GATAD2A: variants seen among roughly 807,000 people sequenced by gnomAD.
GATAD2A encodes transcriptional repressor p66-alpha.
Under a neutral mutation model 68.5 loss-of-function variants are expected in GATAD2A, and 12 were observed. The ratio of observed to expected loss-of-function variants is 0.18; its 90% CI spans 0.11 to 0.28. GATAD2A has a LOEUF of 0.28. Among genes scored for constraint, GATAD2A ranks in the 10% least tolerant of loss-of-function variants. The probability of loss-of-function intolerance (pLI) is 1.00; values close to 1 mark genes in which losing one functional copy is unlikely to be tolerated. For synonymous variants in GATAD2A, 410 were observed against 375.3 expected (o/e 1.09, Z -1.07); for missense variants, 755 against 868.5 (o/e 0.87, Z 1.64).
intron 2 of GATAD2A, among the ~76,000 whole-genome samples, chr19:19,484,505 G>GA (rs1351747965): frequency 6.7e-6 from 1 of 149,580 alleles, no homozygotes; most frequent in Non-Finnish European, 1.5e-5. Flanking sequence ...TCTGTCACAG[G>GA]ATTTTTCTTT....
chr19:19,490,316 G>C (rs540309155), intron 2 of GATAD2A, among the ~76,000 whole-genome samples: 1 of 152,256 alleles, frequency 6.6e-6, no homozygotes, highest in Admixed American at 6.5e-5. Context: ...GGTAGCATTG[G>C]TGAAGCCTTA....
intron 1 of GATAD2A, among the ~76,000 whole-genome samples, chr19:19,394,128 T>C (rs1287378248): frequency 6.6e-6 from 1 of 151,924 alleles, no homozygotes; most frequent in African/African-American, 2.4e-5. Context: ...GCTCAAGCAA[T>C]CCTCCCGCCT....
At chr19:19,498,817 AGGGC>A in intron 8 of GATAD2A, 95 bp downstream of exon 8, 3 of 1,100,340 alleles carry the variant, frequency 2.7e-6, no homozygotes, top group Non-Finnish European at 4.0e-6. Flanking sequence ...AGGCTGGGGC[AGGGC>A]TGCCTAGCCA....
chr19:19,437,001 C>T (rs145865457), intron 1 of GATAD2A, among the ~76,000 whole-genome samples: 52 of 152,240 alleles, frequency 3.4e-4, no homozygotes, highest in Admixed American at 5.2e-4. Flanking sequence ...ACAAGTGTTG[C>T]GGTCAGTTTT....
intron 2 of GATAD2A, chr19:19,473,970 A>G (rs2058498747): frequency 1.2e-6 from 1 of 863,328 alleles, no homozygotes; most frequent in Non-Finnish European, 1.4e-6. Context: ...AACACATATT[A>G]ACACCCAAGC....
At chr19:19,423,929 C>G (rs1280379238) in intron 1 of GATAD2A, among the ~76,000 whole-genome samples, 1 of 152,140 alleles carries the variant, frequency 6.6e-6, no homozygotes, top group South Asian at 2.1e-4. Flanking sequence ...CCTTTATGTT[C>G]TTTTCTTTTA....
At chr19:19,483,195 G>A (rs1465972260) in intron 2 of GATAD2A, among the ~76,000 whole-genome samples, 1 of 152,208 alleles carries the variant, frequency 6.6e-6, no homozygotes, top group African/African-American at 2.4e-5. Flanking sequence ...GAGCAGGCAG[G>A]GATGGGCTCA....
At chr19:19,407,900 GTTC>G (rs1225455263) in intron 1 of GATAD2A, among the ~76,000 whole-genome samples, 1 of 152,148 alleles carries the variant, frequency 6.6e-6, no homozygotes, top group Admixed American at 6.5e-5. Context: ...TCATCTTTCA[GTTC>G]TTATTTGTCT....
At chr19:19,432,200 C>A (rs1482531006) in intron 1 of GATAD2A, among the ~76,000 whole-genome samples, 1 of 152,128 alleles carries the variant, frequency 6.6e-6, no homozygotes, top group Non-Finnish European at 1.5e-5. Context: ...GTCTTGAGCT[C>A]CTGATCTCAG....
chr19:19,410,125 C>T (rs1487586500), intron 1 of GATAD2A, among the ~76,000 whole-genome samples: 4 of 152,192 alleles, frequency 2.6e-5, no homozygotes, highest in African/African-American at 9.7e-5. Flanking sequence ...CTCTCCTCAG[C>T]CTCCAGAGGC....
chr19:19,441,171 T>C (rs920944142), intron 1 of GATAD2A, among the ~76,000 whole-genome samples: 11 of 151,086 alleles, frequency 7.3e-5, no homozygotes, highest in Non-Finnish European at 1.3e-4. Flanking sequence ...GCCTCCCGAG[T>C]AGTTGGGATT....
chr19:19,447,438 T>A (rs2147764937), intron 1 of GATAD2A, among the ~76,000 whole-genome samples: 1 of 152,120 alleles, frequency 6.6e-6, no homozygotes, highest in East Asian at 1.9e-4. Flanking sequence ...GACCCCCCAC[T>A]CCCCCACTTC....
At chr19:19,482,918 T>C (rs1450638089) in intron 2 of GATAD2A, among the ~76,000 whole-genome samples, 5 of 152,078 alleles carry the variant, frequency 3.3e-5, no homozygotes, top group Admixed American at 3.3e-4. Flanking sequence ...CACATGAGCA[T>C]GGTACTAAGG....
chr19:19,392,079 CTTTTTTTTT>C (rs753791949), intron 1 of GATAD2A, among the ~76,000 whole-genome samples: 2 of 107,064 alleles, frequency 1.9e-5, no homozygotes, highest in Non-Finnish European at 3.7e-5. Context: ...AGAGTTTTTC[CTTTTTTTTT>C]TTTTTTTTTT....
At chr19:19,443,601 AAAG>A (rs1568290570) in intron 1 of GATAD2A, among the ~76,000 whole-genome samples, 2 of 152,102 alleles carry the variant, frequency 1.3e-5, no homozygotes, top group African/African-American at 4.8e-5. Flanking sequence ...AGAGAAGGAG[AAAG>A]GAGCGGCATG....
chr19:19,482,836 C>T (rs2059150522), intron 2 of GATAD2A, among the ~76,000 whole-genome samples: 1 of 152,186 alleles, frequency 6.6e-6, no homozygotes, highest in Admixed American at 6.5e-5. Flanking sequence ...TTGATGTGGC[C>T]TCCCCCATGG....
chr19:19,472,226 G>A (rs2058364214), intron 2 of GATAD2A, among the ~76,000 whole-genome samples: 1 of 152,108 alleles, frequency 6.6e-6, no homozygotes, highest in African/African-American at 2.4e-5. Context: ...GTGATAAGTA[G>A]CAGATCCAGT....
chr19:19,452,792 A>G (rs1341046687), intron 1 of GATAD2A, among the ~76,000 whole-genome samples: 1 of 152,094 alleles, frequency 6.6e-6, no homozygotes, highest in Non-Finnish European at 1.5e-5. Context: ...AGGACATGAT[A>G]TAGGTTACCT....
chr19:19,432,847 G>T (rs1244741307), intron 1 of GATAD2A, among the ~76,000 whole-genome samples: 1 of 152,194 alleles, frequency 6.6e-6, no homozygotes, highest in African/African-American at 2.4e-5. Flanking sequence ...GAGAGGATGG[G>T]CTTCACTCTG....
Sources: gnomAD v4.1 joint callset for allele counts (sites outside exome capture counted in the v4.1 genomes callset) on GRCh38, gnomAD v4.1.1 for gene constraint, MANE v1.5 for transcripts, NCBI Gene and HGNC (gene_info 2026-07-23, HGNC 2026-07-21) for gene names.